The following PIK3AP1 variants were observed in gnomAD, a reference collection of about 807,000 sequenced individuals.
PIK3AP1 encodes phosphoinositide-3-kinase adaptor protein 1.
PIK3AP1 carries 21 observed loss-of-function variants against 88.1 expected under a neutral mutation model. That is an observed-to-expected ratio of 0.24 (90% CI 0.17 to 0.34). PIK3AP1 has a LOEUF of 0.34. PIK3AP1 is among the 10% of genes least tolerant of loss of function. The pLI is 1.00. For synonymous variants in PIK3AP1, 398 were observed against 400.0 expected (o/e 1.00, Z 0.06); for missense variants, 828 against 1,035.7 (o/e 0.80, Z 2.75).
At position 96,630,310 on chromosome 10, in the gene PIK3AP1, C is replaced by T. The variant is rs147028944; in HGVS notation, c.1376-1817G>A. Among the ~76,000 whole-genome samples the T allele has an allele frequency of 2.6e-3, 392 of 152,282 alleles. 1 individual carries two copies. Among genetic ancestry groups the T allele is most frequent in the Admixed American group, 4.8e-3 (73 of 15,298 alleles). ...AAATGAGGAACCAGTAAATGAATCC[C>T]GCCCGCCTGTTCTTGTCACCACTGA... is the stretch of plus-strand genomic sequence containing the variant. On this transcript the variant is annotated intron_variant, in intron 8 of 16. Transcript: ENST00000339364.
chr10:96,619,244 A>G (rs532228394), intron 12 of PIK3AP1: 1 of 151,608 alleles, frequency 6.6e-6, no homozygotes, highest in African/African-American at 2.4e-5. Context: ...ATGCTTCCCC[A>G]CTCTTCACCA....
chr10:96,666,788 T>G (rs1240401669), intron 2 of PIK3AP1, among the ~76,000 whole-genome samples: 1 of 152,020 alleles, frequency 6.6e-6, no homozygotes, highest in Non-Finnish European at 1.5e-5. Flanking sequence ...TCCCATTTTA[T>G]AGATGAAAAT....
At chr10:96,661,764 G>A (rs925696288) in intron 2 of PIK3AP1, among the ~76,000 whole-genome samples, 1 of 151,366 alleles carries the variant, frequency 6.6e-6, no homozygotes, top group Non-Finnish European at 1.5e-5. Context: ...GAGACAGAGC[G>A]AGACACTGAG....
chr10:96,660,977 G>A (rs1000495884), intron 2 of PIK3AP1, among the ~76,000 whole-genome samples: 1 of 152,160 alleles, frequency 6.6e-6, no homozygotes, highest in Admixed American at 6.5e-5. Context: ...CTGAGGTCAG[G>A]AGTTCGAGAC....
intron 2 of PIK3AP1, among the ~76,000 whole-genome samples, chr10:96,658,403 C>T (rs1830339708): frequency 6.6e-6 from 1 of 152,158 alleles, no homozygotes; most frequent in South Asian, 2.1e-4. Flanking sequence ...GCTGTAACCA[C>T]AGGCTTTCAC....
intron 2 of PIK3AP1, among the ~76,000 whole-genome samples, chr10:96,697,132 T>A (rs1166691139): frequency 6.6e-6 from 1 of 152,214 alleles, no homozygotes; most frequent in Non-Finnish European, 1.5e-5. Context: ...TGTAGTAACC[T>A]AAGAAGACAT....
At chr10:96,679,611 C>T (rs1277075372) in intron 2 of PIK3AP1, among the ~76,000 whole-genome samples, 2 of 152,156 alleles carry the variant, frequency 1.3e-5, no homozygotes, top group Non-Finnish European at 2.9e-5. Context: ...GATAGTTCTG[C>T]TGCAAGCAAG....
chr10:96,620,499 C>T lies in PIK3AP1; in HGVS notation c.1794G>A (p.Ala598=), dbSNP rs1843061551. ...RPQSSIYDPF[A]GMKTPGQRQL... ...GCCGCTGGCCTGGCGTTTTCATTCC[C>T]GCAAAAGGGTCATATATACTCGACT... is the stretch of plus-strand genomic sequence containing the variant. The change falls in exon 12 of 17, where the codon GCG becomes GCA. Residue 598 remains alanine, a synonymous_variant. Coordinates refer to ENST00000339364, the MANE Select transcript of PIK3AP1 (RefSeq NM_152309.3). The T allele has an allele frequency of 1.2e-6, 2 of 1,613,928 alleles. No individual in the cohort carries two copies. The highest frequency in any genetic ancestry group is 1.7e-6 in the Non-Finnish European group (2 of 1,180,024).
At chr10:96,708,750 T>C (rs1467258728) in intron 2 of PIK3AP1, among the ~76,000 whole-genome samples, 1 of 151,948 alleles carries the variant, frequency 6.6e-6, no homozygotes, top group Non-Finnish European at 1.5e-5. Flanking sequence ...ATTTTCCTAC[T>C]CTAAAAGGAG....
At chr10:96,618,406 G>C (rs1346221284) in intron 12 of PIK3AP1, among the ~76,000 whole-genome samples, 1 of 152,176 alleles carries the variant, frequency 6.6e-6, no homozygotes, top group East Asian at 1.9e-4. Flanking sequence ...CGTAAATTAT[G>C]TTCCCACTGG....
intron 4 of PIK3AP1, 150 bp from the exon 5 acceptor site, chr10:96,651,801 A>AG: frequency 1.1e-6 from 1 of 908,878 alleles, no homozygotes; most frequent in African/African-American, 1.7e-5. Flanking sequence ...GGCGGGAGTG[A>AG]GGGAAAGGGT....
intron 2 of PIK3AP1, among the ~76,000 whole-genome samples, chr10:96,670,804 G>T (rs17112028): frequency 1.3e-5 from 2 of 152,102 alleles, no homozygotes; most frequent in East Asian, 1.9e-4. Context: ...CAGGCAGAAT[G>T]TATCAGCTCT....
At chr10:96,600,555 C>T (rs970146593) in intron 16 of PIK3AP1, among the ~76,000 whole-genome samples, 3 of 152,100 alleles carry the variant, frequency 2.0e-5, no homozygotes, top group Non-Finnish European at 1.5e-5. Context: ...TGGGCCTGGG[C>T]GATGTTTGAG....
At chr10:96,711,784 T>C (rs1468606338) in intron 1 of PIK3AP1, among the ~76,000 whole-genome samples, 1 of 130,144 alleles carries the variant, frequency 7.7e-6, no homozygotes, top group Non-Finnish European at 1.6e-5. Context: ...GGAGTCTCGC[T>C]CTGTCGCCCA....
chr10:96,666,461 T>C (rs965819215), intron 2 of PIK3AP1, among the ~76,000 whole-genome samples: 1 of 152,152 alleles, frequency 6.6e-6, no homozygotes, highest in African/African-American at 2.4e-5. Flanking sequence ...TCTATGCATA[T>C]TTAAACAACA....
chr10:96,711,739 ATTTTTTT>A (rs763923650), intron 1 of PIK3AP1, among the ~76,000 whole-genome samples: 11 of 66,446 alleles, frequency 1.7e-4, no homozygotes, highest in African/African-American at 4.9e-4. Context: ...AGATTACCAA[ATTTTTTT>A]TTTTTTTTTT....
intron 8 of PIK3AP1, among the ~76,000 whole-genome samples, chr10:96,641,086 C>CGTGT (rs56816682): frequency 0.028 from 3,963 of 143,278 alleles, 68 homozygotes; most frequent in African/African-American, 0.037. Context: ...GTGAGTGTGC[C>CGTGT]GTGTGTGTGT....
At chr10:96,700,261 C>T (rs949789204) in intron 2 of PIK3AP1, among the ~76,000 whole-genome samples, 3 of 150,614 alleles carry the variant, frequency 2.0e-5, no homozygotes, top group Non-Finnish European at 4.4e-5. Flanking sequence ...GCCGAGTTTA[C>T]CACCCCACCG....
chr10:96,678,482 T>C (rs976471065), intron 2 of PIK3AP1, among the ~76,000 whole-genome samples: 29 of 151,412 alleles, frequency 1.9e-4, no homozygotes, highest in Non-Finnish European at 1.5e-5. Flanking sequence ...GTTTCCCAGG[T>C]TGGTCTCGAA....
Sources: allele counts gnomAD v4.1 joint callset (sites outside exome capture counted in the v4.1 genomes callset), GRCh38; gene constraint gnomAD v4.1.1; transcripts MANE v1.5; gene names NCBI Gene and HGNC (gene_info 2026-07-23, HGNC 2026-07-21).